FAM227A: variants seen among roughly 807,000 people sequenced by gnomAD.
FAM227A encodes the protein family with sequence similarity 227 member A.
Under a neutral mutation model 74.7 loss-of-function variants are expected in FAM227A, and 80 were observed. That is an observed-to-expected ratio of 1.07 (90% confidence interval 0.89 to 1.29). The LOEUF is 1.29. Among genes scored for constraint, FAM227A ranks in the 50% most tolerant of loss-of-function variants. FAM227A has a pLI of 0.00. For synonymous variants in FAM227A, 237 were observed against 241.8 expected, an observed-to-expected ratio of 0.98 and a Z score of 0.19; for missense variants, 654 against 683.4, an observed-to-expected ratio of 0.96 and a Z score of 0.48.
chr22:38,591,620 T>TGATA, intron 15 of FAM227A, 80 bp from the exon 16 acceptor site: 1 of 947,118 alleles, frequency 1.1e-6, no homozygotes, highest in Non-Finnish European at 1.5e-6. Context: ...TCCTATAAAC[T>TGATA]GATAGATCCA....
At chr22:38,588,970 T>TA (rs1325114945) in intron 16 of FAM227A, among the ~76,000 whole-genome samples, 1 of 151,694 alleles carries the variant, frequency 6.6e-6, no homozygotes, top group Non-Finnish European at 1.5e-5. Context: ...AGAAAGCTGT[T>TA]ATAGGTTTTG....
At chr22:38,636,330 A>G (rs2092006142) in intron 6 of FAM227A, 121 bp downstream of exon 6, 4 of 1,098,340 alleles carry the variant, frequency 3.6e-6, no homozygotes, top group Non-Finnish European at 3.8e-6. Flanking sequence ...AGCTCAGCTC[A>G]GACACCTGCA....
chr22:38,613,298 T>TAATATATAAC (rs1569207475), intron 11 of FAM227A, among the ~76,000 whole-genome samples: 2 of 77,810 alleles, frequency 2.6e-5, no homozygotes, highest in African/African-American at 1.2e-4. Flanking sequence ...ATATATATCA[T>TAATATATAAC]ATATAATATA....
chr22:38,653,240 T>C (rs2092346853), intron 1 of FAM227A, among the ~76,000 whole-genome samples: 1 of 152,210 alleles, frequency 6.6e-6, no homozygotes, highest in African/African-American at 2.4e-5. Flanking sequence ...CTCTCAGCAC[T>C]CCCAGATAGA....
chr22:38,603,093 C>T (rs1296988632), intron 13 of FAM227A, among the ~76,000 whole-genome samples: 1 of 152,158 alleles, frequency 6.6e-6, no homozygotes, highest in Non-Finnish European at 1.5e-5. Flanking sequence ...AGGCTGGTCT[C>T]GAACTCCTGA....
At chr22:38,641,948 G>GATGTGTGT (rs138550896) in intron 3 of FAM227A, among the ~76,000 whole-genome samples, 1 of 145,522 alleles carries the variant, frequency 6.9e-6, no homozygotes, top group South Asian at 2.3e-4. Context: ...CTCCCGAAAA[G>GATGTGTGT]GTGTGTGTGT....
intron 8 of FAM227A, 88 bp downstream of exon 8, chr22:38,628,150 T>A: frequency 1.2e-6 from 1 of 800,058 alleles, no homozygotes; most frequent in South Asian, 1.6e-5. Flanking sequence ...TACTCCCTTA[T>A]GTAAAGAATG....
At position 38,581,105 on chromosome 22, in the gene FAM227A, T is replaced by C. The variant is rs1288210777; in HGVS notation, c.*5020A>G. Reference sequence around the variant, plus strand: ...CCAATCCGTTTTTTAAAAGTCACAATATGAACTTACAGGTGAGAACACGTT... The same window carrying C: ...CCAATCCGTTTTTTAAAAGTCACAACATGAACTTACAGGTGAGAACACGTT... On this transcript the variant is annotated 3_prime_UTR_variant, in exon 17 of 17. Coordinates refer to ENST00000535113, the MANE Select transcript of FAM227A (RefSeq NM_001013647.2). 1 of 152,172 alleles carries C rather than the reference T, an allele frequency of 6.6e-6. No homozygotes were observed. Among genetic ancestry groups the C allele is most frequent in the Non-Finnish European group, 1.5e-5 (1 of 68,044 alleles). The allele number at this position is 152,172 out of a possible 1,614,324, so 9.4% of individuals were successfully genotyped here.
chr22:38,626,020 T>TG (rs2091791972), intron 9 of FAM227A, among the ~76,000 whole-genome samples, 160 bp downstream of exon 9: 1 of 151,908 alleles, frequency 6.6e-6, no homozygotes. Context: ...TTGTATTCCT[T>TG]GGGGCTCCAA....
intron 13 of FAM227A, among the ~76,000 whole-genome samples, chr22:38,603,293 G>A (rs985587432): frequency 2.6e-5 from 4 of 151,988 alleles, no homozygotes; most frequent in South Asian, 2.1e-4. Flanking sequence ...TTTGAGACCC[G>A]CCTGACCAAC....
chr22:38,589,023 A>G (rs573315295), intron 16 of FAM227A, among the ~76,000 whole-genome samples: 1 of 152,176 alleles, frequency 6.6e-6, no homozygotes, highest in South Asian at 2.1e-4. Context: ...TGTAAACCCC[A>G]GTACCCGTGA....
chr22:38,637,510 T>C (rs968323052), intron 5 of FAM227A, among the ~76,000 whole-genome samples: 7 of 152,224 alleles, frequency 4.6e-5, no homozygotes, highest in African/African-American at 1.7e-4. Flanking sequence ...AATAGGAAAC[T>C]AATTACCGCC....
rs893826162 is a variant in FAM227A, at chr22:38,645,571, T to C, written c.217A>G (p.Asn73Asp). The C allele has an allele frequency of 6.4e-7, 1 of 1,551,308 alleles. No individual in the cohort carries two copies. The highest frequency in any genetic ancestry group is 8.7e-7 in the Non-Finnish European group (1 of 1,146,726). The change falls in exon 3 of 17, where the codon AAC (asparagine) becomes GAC (aspartate). Residue 73 changes from asparagine to aspartate, a missense_variant. Coordinates refer to ENST00000535113, the MANE Select transcript of FAM227A (RefSeq NM_001013647.2). Reference protein sequence around the residue: ...DINLRTEPSANSLAIERFELE... With the variant: ...DINLRTEPSADSLAIERFELE... ...CAGCATAGGTAACTCACCAGGCTGT[T>C]GGCCGACGGCTCGGTACGCAGATTT...
At chr22:38,609,409 G>C (rs1257245222) in intron 11 of FAM227A, among the ~76,000 whole-genome samples, 1 of 152,236 alleles carries the variant, frequency 6.6e-6, no homozygotes, top group Admixed American at 6.5e-5. Context: ...TTGGCCGCAA[G>C]TGGTATGAGG....
chr22:38,635,228 CAAA>C (rs34498896), intron 6 of FAM227A, among the ~76,000 whole-genome samples: 9 of 67,424 alleles, frequency 1.3e-4, no homozygotes, highest in Non-Finnish European at 2.1e-4. Flanking sequence ...GACTCTGTCT[CAAA>C]AAAAAAAAAA....
intron 16 of FAM227A, among the ~76,000 whole-genome samples, chr22:38,589,278 A>G (rs981997424): frequency 6.6e-6 from 1 of 152,200 alleles, no homozygotes; most frequent in Non-Finnish European, 1.5e-5. Context: ...AACCCCGCAC[A>G]GGAAGCATGG....
intron 2 of FAM227A, 111 bp downstream of exon 2, chr22:38,649,916 C>T: frequency 1.1e-6 from 1 of 918,660 alleles, no homozygotes; most frequent in Non-Finnish European, 1.6e-6. Context: ...GTATAAGGGA[C>T]AAGCTAATAA....
At position 38,578,287 on chromosome 22, in the gene FAM227A, G is replaced by A. The variant is rs1340253796; in HGVS notation, c.*7838C>T. The stretch of plus-strand genomic sequence containing the variant: ...TAAGAGTCGCTAGGTGATAGGAATT[G>A]TTTAGTTCCATTATAATCTTATGGG... On this transcript the variant is annotated 3_prime_UTR_variant, in exon 17 of 17. Transcript: ENST00000535113. 1.3e-5 allele frequency: 2 copies of A among 152,058 alleles called. No individual in the cohort carries two copies. The highest frequency in any genetic ancestry group is 4.8e-5 in the African/African-American group (2 of 41,408). 9.4% of individuals were successfully genotyped at this position (152,058 alleles called of 1,614,324 possible).
At chr22:38,603,247 G>T (rs1015822145) in intron 13 of FAM227A, among the ~76,000 whole-genome samples, 4 of 152,236 alleles carry the variant, frequency 2.6e-5, no homozygotes, top group Non-Finnish European at 5.9e-5. Context: ...AATCCCTTTG[G>T]GAGGCCAAGG....
Sources: allele counts gnomAD v4.1 joint callset (sites outside exome capture counted in the v4.1 genomes callset), GRCh38; gene constraint gnomAD v4.1.1; transcripts MANE v1.5; gene names NCBI Gene and HGNC (gene_info 2026-07-23, HGNC 2026-07-21).